Variants in PRKN observed in about 807,000 individuals in gnomAD.
PRKN encodes the protein E3 ubiquitin-protein ligase parkin.
A neutral mutation model predicts 59.5 loss-of-function variants in PRKN; 56 were observed. The observed-to-expected ratio is 0.94, with a 90% CI of 0.76 to 1.18. The LOEUF is 1.18. Ranked by LOEUF, PRKN falls within the 50% of genes most tolerant of loss-of-function variation. The pLI is 0.00. For missense variants in PRKN, 657 were observed against 596.4 expected (o/e 1.10, Z -1.06); for synonymous variants, 250 against 222.1 (o/e 1.13, Z -1.12).
chr6:161,870,105 C>A (rs531414938), intron 6 of PRKN, among the ~76,000 whole-genome samples: 95 of 152,210 alleles, frequency 6.2e-4, no homozygotes, highest in African/African-American at 2.1e-3. Flanking sequence ...CAAGTACTAA[C>A]CAGGGCCGAC....
intron 6 of PRKN, among the ~76,000 whole-genome samples, chr6:161,796,057 T>A (rs1017752840): frequency 6.6e-6 from 1 of 152,208 alleles, no homozygotes; most frequent in African/African-American, 2.4e-5. Flanking sequence ...CAAGTGTGGT[T>A]GAATTGGGTT....
intron 1 of PRKN, among the ~76,000 whole-genome samples, chr6:162,448,154 C>T (rs1167322813): frequency 1.3e-5 from 2 of 152,142 alleles, no homozygotes; most frequent in Admixed American, 1.3e-4. Flanking sequence ...TTCGGCTCCA[C>T]CTGCAGCCCA....
intron 9 of PRKN, among the ~76,000 whole-genome samples, chr6:161,389,040 T>C (rs1442386200): frequency 6.6e-6 from 1 of 152,262 alleles, no homozygotes; most frequent in Non-Finnish European, 1.5e-5. Flanking sequence ...TAATATTTTA[T>C]AGTATAAGTT....
chr6:161,966,508 G>A (rs1780587307), intron 6 of PRKN, among the ~76,000 whole-genome samples: 1 of 152,262 alleles, frequency 6.6e-6, no homozygotes, highest in Non-Finnish European at 1.5e-5. Context: ...ATATGACTTA[G>A]GCACCCAAAA....
At chr6:162,602,638 T>C (rs1375671171) in intron 1 of PRKN, among the ~76,000 whole-genome samples, 3 of 152,194 alleles carry the variant, frequency 2.0e-5, no homozygotes, top group Admixed American at 6.5e-5. Context: ...GTTAGAGAAG[T>C]TGTTGGTCCT....
chr6:161,755,039 AT>A (rs1256801919), intron 7 of PRKN, among the ~76,000 whole-genome samples: 3 of 152,206 alleles, frequency 2.0e-5, no homozygotes, highest in African/African-American at 4.8e-5. Context: ...GATAGGCAGT[AT>A]GGCAAACAAA....
At chr6:161,938,747 A>G (rs1029877823) in intron 6 of PRKN, among the ~76,000 whole-genome samples, 1 of 152,238 alleles carries the variant, frequency 6.6e-6, no homozygotes, top group Non-Finnish European at 1.5e-5. Context: ...CTTTAAAATT[A>G]ATGCAAATTA....
intron 4 of PRKN, among the ~76,000 whole-genome samples, chr6:162,094,806 T>A (rs1208072312): frequency 6.6e-6 from 1 of 152,232 alleles, no homozygotes; most frequent in Non-Finnish European, 1.5e-5. Flanking sequence ...AAATAAACTA[T>A]GTAAATTTAG....
Position 161,585,642 on chromosome 6 carries a change from T to C in PRKN, c.872-16226A>G, listed in dbSNP as rs1781496038. ...TTCTTGTCCCTGGAGTGGATGTATG[T>C]AGACATCAACATTTTAAGACACAAA... On this transcript the variant is annotated intron_variant, in intron 7 of 11. Coordinates refer to ENST00000366898, the MANE Select transcript of PRKN (RefSeq NM_004562.3). 1.3e-5 allele frequency among the ~76,000 whole-genome samples: 2 copies of C among 152,232 alleles called. 1 individual carries two copies. Among genetic ancestry groups the C allele is most frequent in the South Asian group, 4.1e-4 (2 of 4,832 alleles).
chr6:162,337,788 A>G (rs1249041606), intron 2 of PRKN, among the ~76,000 whole-genome samples: 1 of 152,214 alleles, frequency 6.6e-6, no homozygotes, highest in African/African-American at 2.4e-5. Flanking sequence ...ACCAGGAAAA[A>G]TGAAACAGAT....
At chr6:161,651,848 C>T (rs117181901) in intron 7 of PRKN, among the ~76,000 whole-genome samples, 437 of 152,206 alleles carry the variant, frequency 2.9e-3, no homozygotes, top group Non-Finnish European at 4.9e-3. Flanking sequence ...GAGCTGGGAC[C>T]CACAAATGGA....
chr6:162,622,394 G>A (rs1782713304), intron 1 of PRKN, among the ~76,000 whole-genome samples: 2 of 151,594 alleles, frequency 1.3e-5, no homozygotes, highest in African/African-American at 4.8e-5. Flanking sequence ...ATGTTGGCCA[G>A]GTTGGTCTCC....
At chr6:162,511,629 A>G (rs1777623030) in intron 1 of PRKN, among the ~76,000 whole-genome samples, 1 of 152,264 alleles carries the variant, frequency 6.6e-6, no homozygotes, top group African/African-American at 2.4e-5. Flanking sequence ...CATGTATACG[A>G]CTAAAGAGAT....
intron 6 of PRKN, among the ~76,000 whole-genome samples, chr6:161,968,295 T>TC (rs1780662549): frequency 6.7e-6 from 1 of 148,386 alleles, no homozygotes; most frequent in Non-Finnish European, 1.5e-5. Context: ...CACCTCAGCC[T>TC]CCCAAAGTGC....
chr6:162,276,383 T>C (rs2128105048), intron 2 of PRKN, among the ~76,000 whole-genome samples: 1 of 152,296 alleles, frequency 6.6e-6, no homozygotes, highest in South Asian at 2.1e-4. Flanking sequence ...CTTTTTGTCT[T>C]GGGATGTACC....
At chr6:162,581,204 G>C (rs1208455316) in intron 1 of PRKN, among the ~76,000 whole-genome samples, 1 of 152,166 alleles carries the variant, frequency 6.6e-6, no homozygotes, top group African/African-American at 2.4e-5. Flanking sequence ...TGAGATATAG[G>C]AGGTTAAGTG....
rs1562451410 is a variant in PRKN at position 161,440,713 on chromosome 6, C to T, written c.1084-53836G>A. ...TTGCTTGGATCTAAATTGCCCTTTC[C>T]AAACCCAAGAGATATTTCCAATGCC... On this transcript the variant is annotated intron_variant, in intron 9 of 11. Coordinates refer to ENST00000366898, the MANE Select transcript of PRKN (RefSeq NM_004562.3). The surrounding 1 kb of genome is among the most constrained non-coding windows in gnomAD (Gnocchi z 4.1). Among the ~76,000 whole-genome samples the T allele has an allele frequency of 6.6e-6, 1 of 152,144 alleles. No individual in the cohort carries two copies. The highest frequency in any genetic ancestry group is 2.4e-5 in the African/African-American group (1 of 41,432).
chr6:162,271,630 G>A (rs1007179256), intron 2 of PRKN: 1 of 152,042 alleles, frequency 6.6e-6, no homozygotes, highest in Non-Finnish European at 1.5e-5. Context: ...ACAATGAAAT[G>A]TGTTTCAAGA....
At chr6:162,006,573 C>T (rs1782263974) in intron 5 of PRKN, among the ~76,000 whole-genome samples, 2 of 152,186 alleles carry the variant, frequency 1.3e-5, no homozygotes, top group South Asian at 4.1e-4. Context: ...CCACTCCTGT[C>T]TGCCCTCTTC....
Sources: allele counts gnomAD v4.1 joint callset (sites outside exome capture counted in the v4.1 genomes callset), GRCh38; gene constraint gnomAD v4.1.1; non-coding constraint Gnocchi (gnomAD v3.1); transcripts MANE v1.5; gene names NCBI Gene and HGNC (gene_info 2026-07-23, HGNC 2026-07-21).